The following HAUS1 variants were observed in gnomAD, a reference collection of about 807,000 sequenced individuals.
The protein encoded by HAUS1 is HAUS augmin-like complex subunit 1.
HAUS1 carries 25 observed loss-of-function variants against 38.6 expected under a neutral mutation model. The observed-to-expected ratio is 0.65, with a 90% CI of 0.47 to 0.91. The LOEUF is 0.91. Among genes scored for constraint, HAUS1 ranks in the 40% least tolerant of loss-of-function variants. The pLI, the probability that HAUS1 is intolerant of heterozygous loss-of-function variation, is 0.00. For missense variants in HAUS1, 325 were observed against 328.4 expected (o/e 0.99, Z 0.08); for synonymous variants, 109 against 112.9 (o/e 0.97, Z 0.22).
At chr18:46,119,090 C>G (rs996969261) in intron 3 of HAUS1, among the ~76,000 whole-genome samples, 3 of 152,098 alleles carry the variant, frequency 2.0e-5, no homozygotes, top group African/African-American at 7.2e-5. Context: ...AGGCTGGTCT[C>G]AAACTCCTGA....
At chr18:46,125,980 T>C (rs1018532858) in intron 8 of HAUS1, 189 bp downstream of exon 8, 7 of 474,250 alleles carry the variant, frequency 1.5e-5, no homozygotes, top group Non-Finnish European at 2.6e-5. Context: ...TTTTTTCCAT[T>C]AAGAAACATA....
intron 4 of HAUS1, among the ~76,000 whole-genome samples, chr18:46,120,643 T>A (rs1911912504): frequency 6.6e-6 from 1 of 152,014 alleles, no homozygotes; most frequent in Non-Finnish European, 1.5e-5. Context: ...TGGAGTGCAA[T>A]GGTGCAGTCT....
At chr18:46,122,356 AC>A in intron 4 of HAUS1, 110 bp from the exon 5 acceptor site, 1 of 1,056,954 alleles carries the variant, frequency 9.5e-7, no homozygotes, top group Non-Finnish European at 1.4e-6. Flanking sequence ...TGACCTGGTT[AC>A]CAACTCTTGG....
In HAUS1 at chr18:46,105,329, G is replaced by A. The variant is rs776654457; in HGVS notation, c.166G>A (p.Glu56Lys). 1 of 1,613,598 alleles carries A rather than the reference G, an allele frequency of 6.2e-7. No individual in the cohort carries two copies. Among genetic ancestry groups the A allele is most frequent in the Admixed American group, 1.7e-5 (1 of 59,902 alleles). Residue 56 changes from glutamate (E) to lysine (K), a missense_variant, in exon 2 of 9, where the codon GAG becomes AAG. By Grantham distance (56) the Glu-to-Lys change is moderately conservative. Coordinates refer to ENST00000282058, the MANE Select transcript of HAUS1 (RefSeq NM_138443.4). ...VRDRDVYLVIEDLKQKASEYE... is the reference protein window; with the variant it reads ...VRDRDVYLVIKDLKQKASEYE... Reference sequence around the variant, plus strand: ...GGACAGGGATGTCTACCTGGTAATAGAGGACTTGAAGCAGAAAGCAAGTGA... The same window carrying A: ...GGACAGGGATGTCTACCTGGTAATAAAGGACTTGAAGCAGAAAGCAAGTGA...
At chr18:46,111,071 T>C (rs1312597695) in intron 2 of HAUS1, among the ~76,000 whole-genome samples, 1 of 151,740 alleles carries the variant, frequency 6.6e-6, no homozygotes, top group Non-Finnish European at 1.5e-5. Flanking sequence ...AGAAACAGGG[T>C]TTCTCCGTGT....
In HAUS1 at chr18:46,105,507, T is replaced by C. The variant is rs566703050; in HGVS notation, c.205+139T>C. 5 of 651,126 alleles carry C rather than the reference T, an allele frequency of 7.7e-6. No individual in the cohort carries two copies. The South Asian group carries it at 8.5e-5, about 11-fold the overall frequency. 40.3% of individuals were successfully genotyped at this position (651,126 alleles called of 1,614,324 possible). ...TCCCAGATTTTCTTCCACTCTGTTA[T>C]AGTAGTAACTTTATTGTTTTATGTT... On this transcript the variant is annotated intron_variant, in intron 2 of 8. Transcript: ENST00000282058.
chr18:46,113,079 T>TTATATATATAATATATATATTCC (rs1568263765), intron 2 of HAUS1, among the ~76,000 whole-genome samples: 14 of 89,340 alleles, frequency 1.6e-4, no homozygotes, highest in East Asian at 1.2e-3. Flanking sequence ...ATATTCCATA[T>TTATATATATAATATATATATTCC]ATATATATAT....
intron 2 of HAUS1, among the ~76,000 whole-genome samples, chr18:46,106,376 G>GT (rs1013209189): frequency 2.0e-5 from 3 of 152,042 alleles, no homozygotes; most frequent in African/African-American, 7.2e-5. Context: ...GGCTGAGGCC[G>GT]GAGAATGGCG....
intron 8 of HAUS1, among the ~76,000 whole-genome samples, 180 bp from the exon 9 acceptor site, chr18:46,127,895 G>A (rs1289371225): frequency 6.6e-6 from 1 of 152,220 alleles, no homozygotes; most frequent in East Asian, 1.9e-4. Flanking sequence ...TTTTGCAGGG[G>A]AAGAGGGGAG....
chr18:46,104,453 G>A lies in HAUS1; in HGVS notation c.30+12G>A. ...AGAGAGAAACGCAGGTGATGGGGCGGGAATGGGGATCGTTGGCCTCCTGGA... is the reference window on the plus strand; with the variant it reads ...AGAGAGAAACGCAGGTGATGGGGCGAGAATGGGGATCGTTGGCCTCCTGGA... On this transcript the variant is annotated intron_variant, in intron 1 of 8. Coordinates refer to ENST00000282058, the MANE Select transcript of HAUS1 (RefSeq NM_138443.4). 1.4e-6 allele frequency: 2 copies of A among 1,465,414 alleles called. No individual in the cohort carries two copies. The highest frequency in any genetic ancestry group is 1.4e-5 in the South Asian group (1 of 72,880). 90.8% of individuals were successfully genotyped at this position (1,465,414 alleles called of 1,614,324 possible). A position where few individuals can be genotyped will look rare whatever the true frequency, so the allele number is the denominator to read the frequency against.
At chr18:46,125,869 T>G in intron 8 of HAUS1, 78 bp downstream of exon 8, 2 of 866,858 alleles carry the variant, frequency 2.3e-6, no homozygotes, top group South Asian at 3.0e-5. Flanking sequence ...TTCTTCATCC[T>G]TCTTTCCTTT....
At chr18:46,115,699 A>C (rs953743307) in intron 2 of HAUS1, among the ~76,000 whole-genome samples, 7 of 152,190 alleles carry the variant, frequency 4.6e-5, no homozygotes, top group African/African-American at 1.7e-4. Flanking sequence ...TACCCTTGTA[A>C]CCTTGGATTT....
intron 5 of HAUS1, chr18:46,123,043 C>T (rs1293418169): frequency 2.5e-5 from 10 of 396,586 alleles, no homozygotes; most frequent in Admixed American, 1.2e-4. Flanking sequence ...AACCCCGTCT[C>T]TACTAAAAAT....
At chr18:46,127,960 TA>T in intron 8 of HAUS1, 114 bp from the exon 9 acceptor site, 1 of 528,602 alleles carries the variant, frequency 1.9e-6, no homozygotes, top group Non-Finnish European at 3.3e-6. Flanking sequence ...ATGGTATTTT[TA>T]AAATTTTTTG....
At chr18:46,120,458 T>C (rs1479402157) in intron 4 of HAUS1, among the ~76,000 whole-genome samples, 1 of 152,064 alleles carries the variant, frequency 6.6e-6, no homozygotes, top group Admixed American at 6.6e-5. Flanking sequence ...GGTCTCGAAC[T>C]CCCGACCTCA....
chr18:46,125,559 A>AG (rs1568267247), intron 7 of HAUS1, among the ~76,000 whole-genome samples, 185 bp from the exon 8 acceptor site: 2 of 151,736 alleles, frequency 1.3e-5, no homozygotes, highest in Admixed American at 6.6e-5. Flanking sequence ...AAAAAAAAAA[A>AG]AAAGAAAGAA....
intron 8 of HAUS1, among the ~76,000 whole-genome samples, chr18:46,127,700 T>G (rs1229888324): frequency 7.2e-6 from 1 of 138,226 alleles, no homozygotes; most frequent in Non-Finnish European, 1.5e-5. Flanking sequence ...AGAGTGAGAC[T>G]GCATCTCAAA....
At chr18:46,118,894 GTC>G (rs1181426128) in intron 3 of HAUS1, among the ~76,000 whole-genome samples, 1 of 152,126 alleles carries the variant, frequency 6.6e-6, no homozygotes, top group African/African-American at 2.4e-5. Context: ...TTGAGACAGA[GTC>G]TCATTCTGTC....
At chr18:46,121,998 T>C (rs1599816912) in intron 4 of HAUS1, among the ~76,000 whole-genome samples, 1 of 152,202 alleles carries the variant, frequency 6.6e-6, no homozygotes, top group East Asian at 1.9e-4. Context: ...CATGCCACCA[T>C]GCCTGGCTAA....
Sources: gnomAD v4.1 joint callset for allele counts (sites outside exome capture counted in the v4.1 genomes callset) on GRCh38, gnomAD v4.1.1 for gene constraint, MANE v1.5 for transcripts, NCBI Gene and HGNC (gene_info 2026-07-23, HGNC 2026-07-21) for gene names.